The following EIF3L variants were observed in gnomAD, a reference collection of about 807,000 sequenced individuals.
The protein encoded by EIF3L is eIEF associated protein HSPC021.
In EIF3L, 32 loss-of-function variants were observed where a neutral mutation model predicts 74.6. The ratio of observed to expected loss-of-function variants is 0.43; its 90% CI spans 0.32 to 0.58. The LOEUF (loss-of-function observed/expected upper bound fraction) is 0.58, where lower values mean the gene tolerates loss of function less well. EIF3L is among the 20% of genes least tolerant of loss of function. EIF3L has a pLI of 0.06. For missense variants in EIF3L, 474 were observed against 707.8 expected (o/e 0.67, Z 3.75); for synonymous variants, 256 against 254.4 (o/e 1.01, Z -0.06).
intron 11 of EIF3L, chr22:37,884,847 T>C (rs895904016): frequency 7.0e-6 from 1 of 142,328 alleles, no homozygotes; most frequent in Admixed American, 7.2e-5. Flanking sequence ...TAAATAAATA[T>C]ATAAATAAAT....
Position 37,851,271 on chromosome 22 carries a change from A to C in EIF3L, c.83-9A>C, listed in dbSNP as rs368394814. 3.5e-5 allele frequency: 56 copies of C among 1,612,914 alleles called. No individual in the cohort carries two copies. Among genetic ancestry groups the C allele is most frequent in the Non-Finnish European group, 3.9e-5 (46 of 1,179,030 alleles). On this transcript the variant is annotated splice_polypyrimidine_tract_variant and intron_variant, in intron 2 of 12. Transcript: ENST00000652021. ...AGCATACTCTGTATTTGTTGTATCC[A>C]ACCTCCAGGAGATCCAAAGCAGGAC...
intron 2 of EIF3L, among the ~76,000 whole-genome samples, 153 bp downstream of exon 2, chr22:37,850,216 C>G (rs1295114936): frequency 6.6e-6 from 1 of 152,094 alleles, no homozygotes; most frequent in Non-Finnish European, 1.5e-5. Flanking sequence ...TTTATAAAGC[C>G]TAATAAACCA....
intron 11 of EIF3L, chr22:37,885,560 G>A (rs1447412246): frequency 6.6e-6 from 1 of 151,440 alleles, no homozygotes; most frequent in African/African-American, 2.4e-5. Flanking sequence ...AAGTAAAATG[G>A]TGTTCAAAAT....
At chr22:37,855,884 A>G (rs561171399) in intron 4 of EIF3L, among the ~76,000 whole-genome samples, 1 of 152,186 alleles carries the variant, frequency 6.6e-6, no homozygotes, top group South Asian at 2.1e-4. Context: ...ATTTCCTTCT[A>G]TAATTTGGGG....
intron 9 of EIF3L, 116 bp downstream of exon 9, chr22:37,874,640 C>T: frequency 8.0e-7 from 1 of 1,247,638 alleles, no homozygotes; most frequent in South Asian, 1.7e-5. Context: ...TTCCCTCAGG[C>T]CATTGAAAGT....
chr22:37,849,951 C>T, intron 1 of EIF3L, 64 bp from the exon 2 acceptor site: 1 of 1,581,902 alleles, frequency 6.3e-7, no homozygotes, highest in Non-Finnish European at 8.7e-7. Context: ...CATCTAGACT[C>T]TAGGATGAGC....
In EIF3L at chr22:37,852,308, C is replaced by T. The variant is rs555813578; in HGVS notation, c.293+818C>T. 2.0e-5 allele frequency among the ~76,000 whole-genome samples: 3 copies of T among 152,262 alleles called. No individual in the cohort carries two copies. The South Asian group carries it at 6.2e-4, about 32-fold the overall frequency. ...TCTCATTTTACAGATGAGGAAACAG[C>T]ACAGAAATAAGTCATGTAGCTAGTT... On this transcript the variant is annotated intron_variant, in intron 3 of 12. Transcript: ENST00000652021.
intron 1 of EIF3L, 180 bp downstream of exon 1, chr22:37,849,662 C>T (rs1925055683): frequency 1.5e-6 from 1 of 685,022 alleles, no homozygotes; most frequent in Non-Finnish European, 2.5e-6. Flanking sequence ...TGCCCGCCCA[C>T]TTCGCGTGTT....
chr22:37,858,619 A>C (rs753413687), intron 4 of EIF3L, 60 bp from the exon 5 acceptor site: 53 of 1,495,472 alleles, frequency 3.5e-5, no homozygotes, highest in Middle Eastern at 3.4e-4. Flanking sequence ...CAAAGAGCTA[A>C]AGCTGCCAGG....
intron 1 of EIF3L, 100 bp downstream of exon 1, chr22:37,849,582 G>C (rs940975446): frequency 6.5e-6 from 9 of 1,390,468 alleles, no homozygotes; most frequent in Non-Finnish European, 8.8e-6. Flanking sequence ...GTCGCGGCCA[G>C]CTCCGGCCGA....
chr22:37,874,546 C>T, intron 9 of EIF3L, 22 bp downstream of exon 9: 5 of 1,605,418 alleles, frequency 3.1e-6, no homozygotes, highest in Non-Finnish European at 4.3e-6. Context: ...TGCCTCTGGC[C>T]CCTCTTGCCA....
intron 7 of EIF3L, among the ~76,000 whole-genome samples, chr22:37,868,625 G>GCA (rs1555915569): frequency 1.6e-5 from 1 of 61,722 alleles, no homozygotes; most frequent in Admixed American, 2.1e-4. Context: ...GGCTATTTTT[G>GCA]TTTTGGTGCT....
At chr22:37,865,489 A>T (rs1210712859) in intron 7 of EIF3L, among the ~76,000 whole-genome samples, 1 of 152,134 alleles carries the variant, frequency 6.6e-6, no homozygotes, top group African/African-American at 2.4e-5. Flanking sequence ...TAAAATATAT[A>T]ATTTGACAAA....
intron 4 of EIF3L, among the ~76,000 whole-genome samples, chr22:37,856,249 G>A (rs1415670140): frequency 6.6e-6 from 1 of 151,882 alleles, no homozygotes; most frequent in East Asian, 1.9e-4. Context: ...GCTAATTTTT[G>A]TATTTTTAGT....
chr22:37,859,144 G>A (rs1305870052), intron 5 of EIF3L, among the ~76,000 whole-genome samples: 1 of 151,500 alleles, frequency 6.6e-6, no homozygotes, highest in Non-Finnish European at 1.5e-5. Flanking sequence ...ACAATGCTAG[G>A]CACTTAGCAC....
intron 3 of EIF3L, among the ~76,000 whole-genome samples, chr22:37,855,075 TAAAC>T (rs1297814421): frequency 2.6e-5 from 4 of 152,182 alleles, no homozygotes; most frequent in African/African-American, 4.8e-5. Flanking sequence ...AGAAGAAAAT[TAAAC>T]AACCTGTTGC....
chr22:37,880,592 G>A (rs1468246025), intron 11 of EIF3L: 1 of 152,220 alleles, frequency 6.6e-6, no homozygotes, highest in Non-Finnish European at 1.5e-5. Context: ...TTTTAGTAGA[G>A]ATGGGGTTTG....
intron 4 of EIF3L, among the ~76,000 whole-genome samples, chr22:37,856,222 G>A (rs979247069): frequency 1.3e-5 from 2 of 151,768 alleles, no homozygotes; most frequent in East Asian, 1.9e-4. Flanking sequence ...GATTACAGGC[G>A]CCCGCCACCA....
chr22:37,861,502 G>A, intron 5 of EIF3L, among the ~76,000 whole-genome samples: 1 of 152,056 alleles, frequency 6.6e-6, no homozygotes, highest in East Asian at 1.9e-4. Flanking sequence ...TGACCAATAT[G>A]GTGAAACCCC....
Sources: gnomAD v4.1 joint callset for allele counts (sites outside exome capture counted in the v4.1 genomes callset) on GRCh38, gnomAD v4.1.1 for gene constraint, MANE v1.5 for transcripts, NCBI Gene and HGNC (gene_info 2026-07-23, HGNC 2026-07-21) for gene names.